Variants in NFASC observed in about 807,000 individuals in gnomAD.
NFASC encodes the protein neurofascin homolog.
NFASC carries 43 observed loss-of-function variants against 147.5 expected under a neutral mutation model. The observed-to-expected ratio is 0.29, with a 90% CI of 0.23 to 0.38. The LOEUF (loss-of-function observed/expected upper bound fraction) is 0.38, where lower values mean the gene tolerates loss of function less well. Ranked by LOEUF, NFASC falls within the 10% of genes least tolerant of loss-of-function variation. NFASC has a pLI of 1.00. For missense variants in NFASC, 1,320 were observed against 1,689.0 expected (o/e 0.78, Z 3.83); for synonymous variants, 622 against 665.5 (o/e 0.93, Z 1.01).
intron 1 of NFASC, among the ~76,000 whole-genome samples, chr1:204,884,463 G>A (rs974868507): frequency 6.6e-6 from 1 of 152,118 alleles, no homozygotes; most frequent in African/African-American, 2.4e-5. Context: ...ATGGAGCTGA[G>A]GTAGAGAGAA....
At chr1:205,012,019 C>T (rs1240133532) in intron 28 of NFASC, among the ~76,000 whole-genome samples, 1 of 152,190 alleles carries the variant, frequency 6.6e-6, no homozygotes, top group Non-Finnish European at 1.5e-5. Flanking sequence ...GCAGAGGTTG[C>T]AGTGAGCCAA....
chr1:204,835,498 G>A (rs1673491571), intron 1 of NFASC, among the ~76,000 whole-genome samples: 2 of 152,058 alleles, frequency 1.3e-5, no homozygotes, highest in Admixed American at 1.3e-4. Flanking sequence ...CAAAGTGTTG[G>A]GATTACAGGC....
At chr1:204,996,069 ATAT>A (rs1399848375) in intron 24 of NFASC, among the ~76,000 whole-genome samples, 5 of 152,006 alleles carry the variant, frequency 3.3e-5, no homozygotes, top group Non-Finnish European at 7.4e-5. Context: ...GCTTTAGCAA[ATAT>A]TAGATCTGCG....
At chr1:204,866,059 G>C (rs1393282912) in intron 1 of NFASC, among the ~76,000 whole-genome samples, 2 of 152,124 alleles carry the variant, frequency 1.3e-5, no homozygotes, top group Non-Finnish European at 2.9e-5. Context: ...CTCCTTCAAG[G>C]GGCAGCCAAA....
rs1465358093 is a variant in NFASC at position 204,946,844 on chromosome 1, A to G, written c.91+2438A>G. ...ACCCCACGGGGCATGCTACCCCACAAGACCAAGCGAGGCCAGCCGCCCTGG... is the reference window on the plus strand; with the variant it reads ...ACCCCACGGGGCATGCTACCCCACAGGACCAAGCGAGGCCAGCCGCCCTGG... On this transcript the variant is annotated intron_variant, in intron 3 of 29. Transcript: ENST00000339876. The G allele has an allele frequency of 7.8e-5, 38 of 489,188 alleles. 2 individuals carry two copies. The highest frequency in any genetic ancestry group is 4.1e-6 in the Non-Finnish European group (1 of 243,876). 30.3% of individuals were successfully genotyped at this position (489,188 alleles called of 1,614,324 possible).
chr1:204,997,504 T>C (rs2095872600), intron 25 of NFASC, 98 bp downstream of exon 25: 1 of 1,391,278 alleles, frequency 7.2e-7, no homozygotes, highest in Middle Eastern at 1.8e-4. Flanking sequence ...AGGTGGGGTC[T>C]GGGGTGGTGT....
At chr1:204,875,266 G>A (rs2078548220) in intron 1 of NFASC, among the ~76,000 whole-genome samples, 1 of 152,080 alleles carries the variant, frequency 6.6e-6, no homozygotes, top group South Asian at 2.1e-4. Flanking sequence ...CCCATCCCTT[G>A]GCTATGGGCC....
intron 27 of NFASC, among the ~76,000 whole-genome samples, chr1:205,007,406 G>C (rs950935896): frequency 1.1e-4 from 16 of 146,454 alleles, no homozygotes; most frequent in African/African-American, 3.8e-4. Context: ...AGAAAGAGAA[G>C]AGAAGAGGAG....
chr1:204,895,981 G>A lies in NFASC; in HGVS notation c.-199-24651G>A, dbSNP rs190266142. On this transcript the variant is annotated intron_variant, in intron 1 of 29. Coordinates refer to ENST00000339876, the MANE Select transcript of NFASC (RefSeq NM_001005388.3). ...GTTGAGAATGAAGGGAATTTGTTCT[G>A]CAAAGGGGATCAGTGTCCAATCTAT... Among the ~76,000 whole-genome samples, 118 of 152,306 alleles carry A rather than the reference G, an allele frequency of 7.7e-4. 1 individual carries two copies. Among genetic ancestry groups the A allele is most frequent in the South Asian group, 5.0e-3 (24 of 4,816 alleles).
intron 16 of NFASC, 51 bp downstream of exon 16, chr1:204,976,846 C>T (rs199553059): frequency 7.1e-5 from 113 of 1,584,164 alleles, no homozygotes; most frequent in Non-Finnish European, 9.2e-5. Flanking sequence ...CCCTCCCCAG[C>T]AGCCAGAGAA....
intron 1 of NFASC, among the ~76,000 whole-genome samples, chr1:204,852,368 C>T (rs2075773756): frequency 6.6e-6 from 1 of 152,178 alleles, no homozygotes; most frequent in African/African-American, 2.4e-5. Flanking sequence ...AGCGTGGTGG[C>T]ATGTGCCTGT....
chr1:204,975,361 C>T lies in NFASC; in HGVS notation c.1649C>T (p.Ser550Phe). Reference sequence around the variant, plus strand: ...GAGTGTCGGGTGAAGCACGACCCCTCCCTGAAACTCACCGTCTCCTGGCTG... The same window carrying T: ...GAGTGTCGGGTGAAGCACGACCCCTTCCTGAAACTCACCGTCTCCTGGCTG... Reference protein sequence around the residue: ...QLECRVKHDPSLKLTVSWLKD... With the variant: ...QLECRVKHDPFLKLTVSWLKD... Residue 550 changes from serine to phenylalanine, a missense_variant, in exon 15 of 30, where the codon TCC becomes TTC. Transcript: ENST00000339876. This position sits in a 1 kb window ranked among gnomAD's most constrained non-coding sequence, Gnocchi z 4.0. The T allele has an allele frequency of 1.2e-6, 2 of 1,614,120 alleles. No homozygotes were observed. The highest frequency in any genetic ancestry group is 8.5e-7 in the Non-Finnish European group (1 of 1,179,972).
intron 2 of NFASC, among the ~76,000 whole-genome samples, chr1:204,942,427 A>G (rs1261098654): frequency 2.6e-5 from 4 of 152,204 alleles, no homozygotes; most frequent in Admixed American, 2.0e-4. Flanking sequence ...GAGGGGATGC[A>G]TTATGCAGGG....
Position 204,970,828 on chromosome 1 carries a change from C to T in NFASC, c.1135+81C>T, listed in dbSNP as rs931213166. The stretch of plus-strand genomic sequence containing the variant: ...CAGATCCCCATCACTGTAGCCAGTG[C>T]TGGTCACACTAGAAGTTCAGGAAGA... On this transcript the variant is annotated intron_variant, in intron 11 of 29. Coordinates refer to ENST00000339876, the MANE Select transcript of NFASC (RefSeq NM_001005388.3). The T allele has an allele frequency of 3.9e-6, 6 of 1,542,072 alleles. No homozygotes were observed. In the African/African-American group the frequency reaches 5.5e-5, roughly 14 times the overall value.
At chr1:204,923,446 A>C (rs1278442951) in intron 2 of NFASC, among the ~76,000 whole-genome samples, 2 of 152,092 alleles carry the variant, frequency 1.3e-5, no homozygotes, top group Non-Finnish European at 2.9e-5. Context: ...GGAAGCAGAC[A>C]CTGGCCCTCT....
intron 1 of NFASC, among the ~76,000 whole-genome samples, chr1:204,877,074 ATATATAATATATTTATT>A (rs2079144099): frequency 9.0e-6 from 1 of 111,304 alleles, no homozygotes; most frequent in East Asian, 5.2e-4. Context: ...ATATTTATAT[ATATATAATATATTTATT>A]TATATATTTA....
intron 20 of NFASC, 58 bp downstream of exon 20, chr1:204,980,498 C>A: frequency 7.5e-7 from 1 of 1,328,232 alleles, no homozygotes; most frequent in East Asian, 2.5e-5. Context: ...CACCGGGAGC[C>A]CCTCTCCCTT....
intron 1 of NFASC, among the ~76,000 whole-genome samples, chr1:204,887,178 G>A (rs1295048714): frequency 2.6e-5 from 4 of 152,070 alleles, no homozygotes; most frequent in East Asian, 3.8e-4. Context: ...AAGCACCTGG[G>A]AACCGTCATT....
chr1:204,958,557 A>C (rs1324171989), intron 8 of NFASC, among the ~76,000 whole-genome samples: 7 of 152,186 alleles, frequency 4.6e-5, no homozygotes, highest in African/African-American at 1.7e-4. Context: ...AGGACGAGGC[A>C]GCCTAGAGCT....
Sources: gnomAD v4.1 joint callset for allele counts (sites outside exome capture counted in the v4.1 genomes callset) on GRCh38, gnomAD v4.1.1 for gene constraint, Gnocchi (gnomAD v3.1) non-coding constraint, MANE v1.5 for transcripts, NCBI Gene and HGNC (gene_info 2026-07-23, HGNC 2026-07-21) for gene names.